The following GSK3B variants were observed in gnomAD, a reference collection of about 807,000 sequenced individuals.
The protein encoded by GSK3B is glycogen synthase kinase 3 beta.
A neutral mutation model predicts 56.4 loss-of-function variants in GSK3B; 15 were observed. The observed-to-expected ratio is 0.27, with a 90% CI of 0.18 to 0.41. GSK3B has a LOEUF of 0.41. GSK3B is among the 10% of genes least tolerant of loss of function. The probability of loss-of-function intolerance (pLI) is 1.00; values close to 1 mark genes in which losing one functional copy is unlikely to be tolerated. For missense variants in GSK3B, 300 were observed against 513.4 expected, an observed-to-expected ratio of 0.58 and a Z score of 4.02; for synonymous variants, 181 against 188.9, an observed-to-expected ratio of 0.96 and a Z score of 0.34.
At chr3:119,984,006 C>T (rs1402360123) in intron 2 of GSK3B, among the ~76,000 whole-genome samples, 1 of 152,188 alleles carries the variant, frequency 6.6e-6, no homozygotes, top group Non-Finnish European at 1.5e-5. Flanking sequence ...AACAAACTGT[C>T]TCATAGACCA....
At chr3:119,993,710 G>A (rs2057588188) in intron 2 of GSK3B, among the ~76,000 whole-genome samples, 1 of 152,186 alleles carries the variant, frequency 6.6e-6, no homozygotes. Context: ...AGGCTAGAGT[G>A]AACTCTGTGA....
intron 7 of GSK3B, among the ~76,000 whole-genome samples, chr3:119,902,262 C>T (rs1431801318): frequency 1.3e-5 from 2 of 152,036 alleles, no homozygotes; most frequent in African/African-American, 4.8e-5. Flanking sequence ...ATAGCTAGAT[C>T]AGCATTTCTT....
chr3:119,987,385 A>G lies in GSK3B; in HGVS notation c.282+14661T>C, dbSNP rs539410585. Among the ~76,000 whole-genome samples the G allele has an allele frequency of 3.9e-4, 59 of 152,262 alleles. 1 individual carries two copies. In the South Asian group the frequency reaches 0.012, roughly 31 times the overall value. ...CTATTGAAAAAACAGTTTATATGCA[A>G]GGTGTGTAAGGAAAGTAAAATATAC... On this transcript the variant is annotated intron_variant, in intron 2 of 10. Transcript: ENST00000264235.
At chr3:119,928,836 T>C (rs1352488484) in intron 3 of GSK3B, among the ~76,000 whole-genome samples, 1 of 152,114 alleles carries the variant, frequency 6.6e-6, no homozygotes, top group East Asian at 1.9e-4. Flanking sequence ...AGTTTCCTCA[T>C]CTGCAATATA....
At chr3:120,030,911 C>T (rs1229645113) in intron 1 of GSK3B, among the ~76,000 whole-genome samples, 1 of 152,172 alleles carries the variant, frequency 6.6e-6, no homozygotes, top group Non-Finnish European at 1.5e-5. Context: ...ACATAGCTAA[C>T]AAATGGAAAA....
In GSK3B at chr3:120,031,845, C is replaced by T. The variant is rs78088637; in HGVS notation, c.89-29606G>A. ...GCTAGTTTTTTATAAACAGTAAGAG[C>T]TCAAATATTTGTGGATAAATGACTG... On this transcript the variant is annotated intron_variant, in intron 1 of 10. Transcript: ENST00000264235. Among the ~76,000 whole-genome samples the T allele has an allele frequency of 4.5e-3, 689 of 152,218 alleles. 7 individuals are homozygous for T. Among genetic ancestry groups the T allele is most frequent in the African/African-American group, 0.016 (665 of 41,510 alleles).
chr3:120,051,126 TC>T (rs1385928398), intron 1 of GSK3B, among the ~76,000 whole-genome samples: 3 of 109,240 alleles, frequency 2.7e-5, no homozygotes, highest in African/African-American at 1.8e-4. Flanking sequence ...TCTATCAATT[TC>T]TTTTTTTTTT....
intron 2 of GSK3B, among the ~76,000 whole-genome samples, chr3:119,972,865 T>C (rs7611736): frequency 0.53 from 79,908 of 152,054 alleles, 24,281 homozygotes; most frequent in African/African-American, 0.85. Flanking sequence ...TAAAAAACAA[T>C]AACAAAAAAC....
At chr3:120,017,292 C>T (rs915334076) in intron 1 of GSK3B, among the ~76,000 whole-genome samples, 39 of 152,120 alleles carry the variant, frequency 2.6e-4, no homozygotes, top group Admixed American at 5.9e-4. Flanking sequence ...GAAACATCAA[C>T]CTTGAGCAGC....
At chr3:119,952,618 T>C (rs1351960850) in intron 2 of GSK3B, among the ~76,000 whole-genome samples, 1 of 132,036 alleles carries the variant, frequency 7.6e-6, no homozygotes, top group Non-Finnish European at 1.6e-5. Context: ...AAAAAAAACA[T>C]GAGAGGAGCA....
At position 120,040,696 on chromosome 3, in the gene GSK3B, G is replaced by A. The variant is rs1412431614; in HGVS notation, c.89-38457C>T. 3.3e-5 allele frequency among the ~76,000 whole-genome samples: 5 copies of A among 152,046 alleles called. No homozygotes were observed. In the East Asian group the frequency reaches 9.7e-4, roughly 29 times the overall value. ...CCCCAATCTCTTGTTAAAAGACCTA[G>A]CCCCCTAGGTCTCATGTTAAAATAT... is the stretch of plus-strand genomic sequence containing the variant. On this transcript the variant is annotated intron_variant, in intron 1 of 10. Transcript: ENST00000264235.
At chr3:119,845,661 G>C (rs1395868193) in intron 9 of GSK3B, among the ~76,000 whole-genome samples, 1 of 152,166 alleles carries the variant, frequency 6.6e-6, no homozygotes, top group African/African-American at 2.4e-5. Flanking sequence ...AAATAAGAGA[G>C]GACACAAACA....
intron 1 of GSK3B, among the ~76,000 whole-genome samples, chr3:120,068,458 T>C (rs1576307631): frequency 1.3e-5 from 2 of 150,172 alleles, no homozygotes; most frequent in South Asian, 4.2e-4. Context: ...CCCAGCACTC[T>C]GGGAGGTCAA....
rs189576426 is a variant in GSK3B at position 119,845,065 on chromosome 3, T to C, written c.1097-1712A>G. On this transcript the variant is annotated intron_variant, in intron 9 of 10. Transcript: ENST00000264235. ...AACAGAACTAATGACAAAAACCACATGATTATCTCAATAGATGTGGCGAAG... is the reference window on the plus strand; with the variant it reads ...AACAGAACTAATGACAAAAACCACACGATTATCTCAATAGATGTGGCGAAG... 4.9e-4 allele frequency among the ~76,000 whole-genome samples: 75 copies of C among 152,274 alleles called. No homozygotes were observed. The East Asian group carries it at 0.013, about 26-fold the overall frequency.
intron 9 of GSK3B, among the ~76,000 whole-genome samples, chr3:119,859,088 T>C (rs1436755242): frequency 6.6e-6 from 1 of 150,572 alleles, no homozygotes; most frequent in Non-Finnish European, 1.5e-5. Flanking sequence ...AAAATAAACA[T>C]AAGCTGTTGG....
intron 3 of GSK3B, among the ~76,000 whole-genome samples, chr3:119,939,088 G>A (rs751876919): frequency 4.6e-5 from 7 of 151,924 alleles, no homozygotes; most frequent in African/African-American, 1.5e-4. Flanking sequence ...AGGGGGGCTG[G>A]GGGGAGAGAA....
At chr3:119,973,539 T>C (rs1167890908) in intron 2 of GSK3B, among the ~76,000 whole-genome samples, 2 of 152,218 alleles carry the variant, frequency 1.3e-5, no homozygotes, top group African/African-American at 4.8e-5. Context: ...CCTAAGGCTA[T>C]GTCACAAGGC....
At chr3:119,936,152 C>T (rs562962777) in intron 3 of GSK3B, among the ~76,000 whole-genome samples, 1 of 151,842 alleles carries the variant, frequency 6.6e-6, no homozygotes, top group South Asian at 2.1e-4. Flanking sequence ...GAATGCTTTG[C>T]CACTAAAATC....
chr3:119,943,009 C>CTAAT (rs1389776761), intron 3 of GSK3B, among the ~76,000 whole-genome samples: 1 of 152,168 alleles, frequency 6.6e-6, no homozygotes, highest in Non-Finnish European at 1.5e-5. Context: ...AAAACTAAGG[C>CTAAT]TAATTAGTAC....
Sources: allele counts gnomAD v4.1 joint callset (sites outside exome capture counted in the v4.1 genomes callset), GRCh38; gene constraint gnomAD v4.1.1; transcripts MANE v1.5; gene names NCBI Gene and HGNC (gene_info 2026-07-23, HGNC 2026-07-21).